CD34: variants seen among roughly 807,000 people sequenced by gnomAD.
CD34 encodes the protein hematopoietic progenitor cell antigen CD34.
A neutral mutation model predicts 40.1 loss-of-function variants in CD34; 34 were observed. The observed-to-expected ratio is 0.85, with a 90% CI of 0.65 to 1.13. The LOEUF (loss-of-function observed/expected upper bound fraction) is 1.13, where lower values mean the gene tolerates loss of function less well. CD34 is among the 50% of genes most tolerant of loss of function. The pLI is 0.00. For missense variants in CD34, 426 were observed against 466.9 expected (o/e 0.91, Z 0.81); for synonymous variants, 209 against 190.0 (o/e 1.10, Z -0.82).
chr1:207,901,414 A>T (rs1662269813), intron 1 of CD34, among the ~76,000 whole-genome samples: 1 of 152,238 alleles, frequency 6.6e-6, no homozygotes, highest in Non-Finnish European at 1.5e-5. Context: ...TACACCCCCA[A>T]GGCCCAGTGG....
rs569610870 is a variant in CD34 at position 207,884,590 on chromosome 1, G to C, written c.*3148C>G. On this transcript the variant is annotated 3_prime_UTR_variant, in exon 8 of 8. Coordinates refer to ENST00000310833, the MANE Select transcript of CD34 (RefSeq NM_001025109.2). ...ACCTATTACTGGTTTTGTGTGAAGA[G>C]GAAGTGTGGGATTAATCTACCTAGA... is the stretch of plus-strand genomic sequence containing the variant. The C allele has an allele frequency of 2.6e-5, 4 of 152,366 alleles. No homozygotes were observed. The South Asian group carries it at 8.3e-4, about 32-fold the overall frequency. The allele number at this position is 152,366 out of a possible 1,614,324, so 9.4% of individuals were successfully genotyped here. A position where few individuals can be genotyped will look rare whatever the true frequency, so the allele number is the denominator to read the frequency against.
chr1:207,903,890 G>T (rs969709364), intron 1 of CD34, among the ~76,000 whole-genome samples: 1 of 152,288 alleles, frequency 6.6e-6, no homozygotes, highest in East Asian at 1.9e-4. Flanking sequence ...TGGTAGGAGT[G>T]AATAGGTTAG....
intron 3 of CD34, among the ~76,000 whole-genome samples, chr1:207,898,030 C>CA (rs1005199152): frequency 1.4e-4 from 13 of 94,990 alleles, no homozygotes; most frequent in African/African-American, 4.2e-4. Context: ...CATTTTGGCT[C>CA]TTTTATTTAT....
At chr1:207,908,872 T>A (rs955287522) in intron 1 of CD34, among the ~76,000 whole-genome samples, 6 of 152,130 alleles carry the variant, frequency 3.9e-5, no homozygotes, top group African/African-American at 1.4e-4. Context: ...CAAAACAAGC[T>A]CTTTGTTGGG....
intron 4 of CD34, among the ~76,000 whole-genome samples, chr1:207,893,070 C>A (rs1037148791): frequency 3.3e-5 from 5 of 152,176 alleles, no homozygotes; most frequent in Admixed American, 2.6e-4. Context: ...CATCCTCCCC[C>A]AAGAGAGGCT....
chr1:207,903,811 T>C (rs1389592518), intron 1 of CD34, among the ~76,000 whole-genome samples: 2 of 152,148 alleles, frequency 1.3e-5, no homozygotes, highest in Non-Finnish European at 2.9e-5. Context: ...AGCTGAAAAC[T>C]AAGAAACAGA....
chr1:207,906,784 C>T (rs1009925742), intron 1 of CD34, among the ~76,000 whole-genome samples: 5 of 151,956 alleles, frequency 3.3e-5, no homozygotes, highest in African/African-American at 4.8e-5. Context: ...GCAGAGGTTG[C>T]GGTGATCCGA....
At chr1:207,901,045 C>A (rs1662263436) in intron 1 of CD34, among the ~76,000 whole-genome samples, 1 of 148,280 alleles carries the variant, frequency 6.7e-6, no homozygotes, top group Non-Finnish European at 1.5e-5. Context: ...CATCACAGCA[C>A]CCAGGCTAGA....
chr1:207,894,252 A>G (rs1004693639), intron 4 of CD34, among the ~76,000 whole-genome samples: 1 of 152,238 alleles, frequency 6.6e-6, no homozygotes, highest in Admixed American at 6.5e-5. Flanking sequence ...ACGTGCTACA[A>G]CATGGTTGGA....
At chr1:207,905,602 C>T (rs966227656) in intron 1 of CD34, among the ~76,000 whole-genome samples, 1 of 151,940 alleles carries the variant, frequency 6.6e-6, no homozygotes, top group African/African-American at 2.4e-5. Context: ...AAATAAATAA[C>T]TTTCTTTAAG....
intron 3 of CD34, 133 bp downstream of exon 3, chr1:207,898,840 A>T: frequency 2.1e-6 from 2 of 942,498 alleles, no homozygotes; most frequent in Non-Finnish European, 3.3e-6. Flanking sequence ...TAAACTGTGT[A>T]TTTCCGTGCT....
rs1230172386 is a variant in CD34 at position 207,897,646 on chromosome 1, A to T, written c.517-73T>A. 5.6e-6 allele frequency: 7 copies of T among 1,253,106 alleles called. No individual in the cohort carries two copies. In the East Asian group the frequency reaches 1.5e-4, roughly 27 times the overall value. 77.6% of individuals were successfully genotyped at this position (1,253,106 alleles called of 1,614,324 possible). ...ATCTTTGCTCCTCATTTCTTTCCCAACTTTTTCCAGTTTGCTTTCTGTGAG... is the reference window on the plus strand; with the variant it reads ...ATCTTTGCTCCTCATTTCTTTCCCATCTTTTTCCAGTTTGCTTTCTGTGAG... On this transcript the variant is annotated intron_variant, in intron 3 of 7. Transcript: ENST00000310833.
chr1:207,883,219 T>G lies in CD34; in HGVS notation c.*4519A>C, dbSNP rs1315510665. On this transcript the variant is annotated 3_prime_UTR_variant, in exon 8 of 8. Coordinates refer to ENST00000310833, the MANE Select transcript of CD34 (RefSeq NM_001025109.2). ...GTCATACCAGAAAACACATTGTCCT[T>G]TGACAGTACCTTATCTTTCCCCATC... The G allele has an allele frequency of 6.6e-6, 1 of 152,232 alleles. No homozygotes were observed. Among genetic ancestry groups the G allele is most frequent in the Admixed American group, 6.5e-5 (1 of 15,286 alleles). The allele number at this position is 152,232 out of a possible 1,614,324, so 9.4% of individuals were successfully genotyped here.
Position 207,889,203 on chromosome 1 carries a change from G to T in CD34, c.765C>A (p.Ser255Arg), listed in dbSNP as rs2102295232. The change falls in exon 6 of 8, where the codon AGC (serine) becomes AGA (arginine). Residue 255 changes from serine (S) to arginine (R), a missense_variant. Ser to Arg is a moderately radical substitution (Grantham distance 110, BLOSUM62 -1). Transcript: ENST00000310833. ...LVLANRTEIS[S>R]KLQLMKKHQS... ...GGTGCTTTTTCATAAGTTGGAGTTTGCTGGAAATTTCTAGAATTAGAAACA... is the reference window on the plus strand; with the variant it reads ...GGTGCTTTTTCATAAGTTGGAGTTTTCTGGAAATTTCTAGAATTAGAAACA... The T allele has an allele frequency of 6.2e-7, 1 of 1,612,962 alleles. No homozygotes were observed. Among genetic ancestry groups the T allele is most frequent in the South Asian group, 1.1e-5 (1 of 91,060 alleles).
chr1:207,884,931 A>C lies in CD34; in HGVS notation c.*2807T>G, dbSNP rs1475975014. 1 of 152,216 alleles carries C rather than the reference A, an allele frequency of 6.6e-6. No individual in the cohort carries two copies. Among genetic ancestry groups the C allele is most frequent in the Non-Finnish European group, 1.5e-5 (1 of 68,050 alleles). The allele number at this position is 152,216 out of a possible 1,614,324, so 9.4% of individuals were successfully genotyped here. On this transcript the variant is annotated 3_prime_UTR_variant, in exon 8 of 8. Coordinates refer to ENST00000310833, the MANE Select transcript of CD34 (RefSeq NM_001025109.2). ...CTGCCACACTGGCTTCATGACATCC[A>C]ACTGGAGTAACACGGAGGACTCGGC...
Position 207,887,310 on chromosome 1 carries a change from A to G in CD34, c.*428T>C, listed in dbSNP as rs112852161. 106 of 171,224 alleles carry G rather than the reference A, an allele frequency of 6.2e-4. No individual in the cohort carries two copies. The highest frequency in any genetic ancestry group is 2.4e-3 in the African/African-American group (102 of 42,046). 10.6% of individuals were successfully genotyped at this position (171,224 alleles called of 1,614,324 possible). ...ACTTTGGTTTCCTCAAAGTAGAGAA[A>G]GAAAATACAGGGAAGAAACGGTAAA... On this transcript the variant is annotated 3_prime_UTR_variant, in exon 8 of 8. Transcript: ENST00000310833.
intron 7 of CD34, 44 bp downstream of exon 7, chr1:207,888,638 C>T (rs1661960980): frequency 1.3e-6 from 2 of 1,599,462 alleles, no homozygotes; most frequent in Non-Finnish European, 1.7e-6. Flanking sequence ...CCCCAGAAAC[C>T]CACTATCTTC....
intron 3 of CD34, 57 bp downstream of exon 3, chr1:207,898,916 T>C: frequency 6.3e-7 from 1 of 1,583,536 alleles, no homozygotes; most frequent in Non-Finnish European, 8.7e-7. Context: ...AGAAACAGCT[T>C]GCCTGCATAC....
At chr1:207,905,444 C>T (rs1390889483) in intron 1 of CD34, among the ~76,000 whole-genome samples, 1 of 152,202 alleles carries the variant, frequency 6.6e-6, no homozygotes, top group Non-Finnish European at 1.5e-5. Flanking sequence ...CCGGCTTTTA[C>T]ATTTCTAAAA....
Sources: gnomAD v4.1 joint callset for allele counts (sites outside exome capture counted in the v4.1 genomes callset) on GRCh38, gnomAD v4.1.1 for gene constraint, MANE v1.5 for transcripts, NCBI Gene and HGNC (gene_info 2026-07-23, HGNC 2026-07-21) for gene names.